PTK7: variants seen among roughly 807,000 people sequenced by gnomAD.
The protein encoded by PTK7 is protein tyrosine kinase 7 (inactive).
PTK7 carries 39 observed loss-of-function variants against 116.6 expected under a neutral mutation model. The observed-to-expected ratio is 0.33, with a 90% CI of 0.26 to 0.44. The LOEUF (loss-of-function observed/expected upper bound fraction) is 0.44. Ranked by LOEUF, PTK7 falls within the 20% of genes least tolerant of loss-of-function variation. The pLI is 1.00. For missense variants in PTK7, 1,169 were observed against 1,425.6 expected, an observed-to-expected ratio of 0.82 and a Z score of 2.90; for synonymous variants, 546 against 563.6, an observed-to-expected ratio of 0.97 and a Z score of 0.44.
chr6:43,144,851 C>CT (rs1008052331), intron 15 of PTK7: 2 of 420,920 alleles, frequency 4.8e-6, no homozygotes, highest in African/African-American at 4.0e-5. Flanking sequence ...TAAATTGACT[C>CT]TTTAAAAAAA....
At chr6:43,102,908 T>C (rs894616641) in intron 1 of PTK7, among the ~76,000 whole-genome samples, 1 of 152,096 alleles carries the variant, frequency 6.6e-6, no homozygotes, top group Admixed American at 6.6e-5. Flanking sequence ...GATTGCAGCT[T>C]GGACAACTAA....
intron 1 of PTK7, among the ~76,000 whole-genome samples, chr6:43,125,493 G>A (rs2150421854): frequency 6.6e-6 from 1 of 152,332 alleles, no homozygotes; most frequent in Admixed American, 6.5e-5. Flanking sequence ...CAGGTGGTCT[G>A]TGGTTCCTGC....
intron 5 of PTK7, 44 bp from the exon 6 acceptor site, chr6:43,131,972 G>C: frequency 1.2e-6 from 2 of 1,611,762 alleles, no homozygotes; most frequent in Non-Finnish European, 1.7e-6. Flanking sequence ...TCCAGAACTA[G>C]GCCTATTGGC....
rs71547832 is a variant in PTK7, at chr6:43,157,376, C to CTTT, written c.2722-1424_2722-1422dup. ...TATATATATATATATTTTTTTTTTT[C>CTTT]TTTTTTTTTTTTTTTTTTTAATAGA... On this transcript the variant is annotated intron_variant, in intron 17 of 19. Coordinates refer to ENST00000230419, the MANE Select transcript of PTK7 (RefSeq NM_002821.5). Among the ~76,000 whole-genome samples, 13 of 21,860 alleles carry CTTT rather than the reference C, an allele frequency of 5.9e-4. 1 individual carries two copies. The highest frequency in any genetic ancestry group is 2.1e-3 in the African/African-American group (12 of 5,786). 14.3% of individuals were successfully genotyped at this position (21,860 alleles called of 152,430 possible). A position where few individuals can be genotyped will look rare whatever the true frequency, so the allele number is the denominator to read the frequency against.
intron 18 of PTK7, 95 bp from the exon 19 acceptor site, chr6:43,159,693 C>CGGG (rs769896261): frequency 1.8e-5 from 24 of 1,344,098 alleles, no homozygotes; most frequent in Non-Finnish European, 2.5e-5. Context: ...GGCTGGGCCC[C>CGGG]CGGCTTGGGG....
chr6:43,090,209 C>T (rs370621043), intron 1 of PTK7, among the ~76,000 whole-genome samples: 1 of 152,196 alleles, frequency 6.6e-6, no homozygotes, highest in Non-Finnish European at 1.5e-5. Context: ...CAGGTGGCAC[C>T]GCTCTCTGCC....
At chr6:43,154,754 T>C (rs1298213056) in intron 17 of PTK7, among the ~76,000 whole-genome samples, 1 of 152,240 alleles carries the variant, frequency 6.6e-6, no homozygotes, top group African/African-American at 2.4e-5. Context: ...GCTGGCCTTC[T>C]TGTGACCTCT....
chr6:43,130,204 C>T lies in PTK7; in HGVS notation c.471-26C>T, dbSNP rs200195513. On this transcript the variant is annotated intron_variant, in intron 3 of 19. Transcript: ENST00000230419. Reference sequence around the variant, plus strand: ...CTGGCCACTGAGTACCCCTCCCCACCACTGCTGACTGTGTCTGCCCTGCAG... The same window carrying T: ...CTGGCCACTGAGTACCCCTCCCCACTACTGCTGACTGTGTCTGCCCTGCAG... 1,828 of 1,544,232 alleles carry T rather than the reference C, an allele frequency of 1.2e-3. 1 individual carries two copies. Among genetic ancestry groups the T allele is most frequent in the Non-Finnish European group, 1.5e-3 (1,679 of 1,141,518 alleles).
chr6:43,100,176 G>T (rs1458523925), intron 1 of PTK7, among the ~76,000 whole-genome samples: 2 of 152,146 alleles, frequency 1.3e-5, no homozygotes, highest in African/African-American at 4.8e-5. Flanking sequence ...GAGGTCAAGA[G>T]ATGGAGACCA....
At chr6:43,155,327 C>T (rs935212366) in intron 17 of PTK7, among the ~76,000 whole-genome samples, 1 of 152,012 alleles carries the variant, frequency 6.6e-6, no homozygotes, top group Non-Finnish European at 1.5e-5. Context: ...TATATTTGTT[C>T]AGTGCATTAA....
chr6:43,113,645 A>C (rs892481018), intron 1 of PTK7, among the ~76,000 whole-genome samples: 2 of 152,154 alleles, frequency 1.3e-5, no homozygotes, highest in African/African-American at 4.8e-5. Flanking sequence ...AGGAGCAGCA[A>C]CTTAAGCTCC....
chr6:43,160,338 T>G (rs1488579497), intron 19 of PTK7, among the ~76,000 whole-genome samples: 2 of 152,180 alleles, frequency 1.3e-5, no homozygotes, highest in Non-Finnish European at 2.9e-5. Flanking sequence ...CAGGCTGGTC[T>G]CAAACTCCTG....
chr6:43,140,962 A>G (rs564299490), intron 10 of PTK7, among the ~76,000 whole-genome samples: 22 of 152,274 alleles, frequency 1.4e-4, no homozygotes, highest in African/African-American at 5.3e-4. Flanking sequence ...TAATATTTCA[A>G]CAATTGGATT....
chr6:43,115,313 A>G (rs531812534), intron 1 of PTK7, among the ~76,000 whole-genome samples: 166 of 152,290 alleles, frequency 1.1e-3, no homozygotes, highest in African/African-American at 3.5e-3. Flanking sequence ...ATTAATATTT[A>G]AAATATAAAC....
At chr6:43,101,413 G>A (rs927233781) in intron 1 of PTK7, among the ~76,000 whole-genome samples, 2 of 151,298 alleles carry the variant, frequency 1.3e-5, no homozygotes, top group African/African-American at 2.4e-5. Context: ...TTAGCCGGGC[G>A]TGGTGGTGGG....
In PTK7 at chr6:43,096,826, G is replaced by GGCTAA. The variant is rs535832699; in HGVS notation, c.79+20261_79+20265dup. Among the ~76,000 whole-genome samples, 17 of 152,370 alleles carry GGCTAA rather than the reference G, an allele frequency of 1.1e-4. No homozygotes were observed. In the East Asian group the frequency reaches 3.1e-3, roughly 28 times the overall value. On this transcript the variant is annotated intron_variant, in intron 1 of 19. Transcript: ENST00000230419. ...CTGCACAAAGACGGATTTCACTTCA[G>GGCTAA]GCTAAGTGTTTTGTTGCTGAATCAT... is the stretch of plus-strand genomic sequence containing the variant.
chr6:43,146,891 G>C (rs1435800521), intron 17 of PTK7, among the ~76,000 whole-genome samples, 193 bp downstream of exon 17: 1 of 152,248 alleles, frequency 6.6e-6, no homozygotes, highest in Non-Finnish European at 1.5e-5. Context: ...AGACATTGAG[G>C]CTTAGGAGGT....
Position 43,141,206 on chromosome 6 carries a change from A to T in PTK7, c.1619-462A>T, listed in dbSNP as rs9472016. 0.42 allele frequency among the ~76,000 whole-genome samples: 63,189 copies of T among 152,062 alleles called. 13,770 individuals carry two copies. The highest frequency in any genetic ancestry group is 0.54 in the Middle Eastern group (158 of 294). Reference sequence around the variant, plus strand: ...GTGAGTTGCCAAATTATTTTTTAAAAGGTTGGACCAATTTTGACATTTCCA... The same window carrying T: ...GTGAGTTGCCAAATTATTTTTTAAATGGTTGGACCAATTTTGACATTTCCA... On this transcript the variant is annotated intron_variant, in intron 10 of 19. Transcript: ENST00000230419. This position sits in a 1 kb window ranked among gnomAD's most constrained non-coding sequence, Gnocchi z 4.9.
Position 43,143,439 on chromosome 6 carries a change from G to T in PTK7, c.2070G>T (p.Ser690=), listed in dbSNP as rs768495425. Residue 690 remains serine, a synonymous_variant, in exon 14 of 20, where the codon TCG becomes TCT. Coordinates refer to ENST00000230419, the MANE Select transcript of PTK7 (RefSeq NM_002821.5). This position sits in a 1 kb window ranked among gnomAD's most constrained non-coding sequence, Gnocchi z 4.2. ...YVVDKPVPEE[S]EGPGSPPPYK... is the part of the protein sequence containing the mutation. ...CAGACAAGCCTGTGCCGGAGGAGTCGGAGGGCCCTGGCAGCCCTCCCCCCT... is the reference window on the plus strand; with the variant it reads ...CAGACAAGCCTGTGCCGGAGGAGTCTGAGGGCCCTGGCAGCCCTCCCCCCT... The T allele has an allele frequency of 3.7e-6, 6 of 1,613,948 alleles. No homozygotes were observed. The South Asian group carries it at 5.5e-5, about 15-fold the overall frequency.
Sources: allele counts gnomAD v4.1 joint callset (sites outside exome capture counted in the v4.1 genomes callset), GRCh38; gene constraint gnomAD v4.1.1; non-coding constraint Gnocchi (gnomAD v3.1); transcripts MANE v1.5; gene names NCBI Gene and HGNC (gene_info 2026-07-23, HGNC 2026-07-21).